Variants in SLC25A4 observed in about 807,000 individuals in gnomAD.
SLC25A4 encodes ADP/ATP translocase 1.
SLC25A4 carries 10 observed loss-of-function variants against 24.7 expected under a neutral mutation model. That is an observed-to-expected ratio of 0.41 (90% CI 0.25 to 0.69). The LOEUF (loss-of-function observed/expected upper bound fraction) is 0.69, where lower values mean the gene tolerates loss of function less well. SLC25A4 is among the 30% of genes least tolerant of loss of function. The probability of loss-of-function intolerance (pLI) is 0.35; values close to 1 mark genes in which losing one functional copy is unlikely to be tolerated. For synonymous variants in SLC25A4, 125 were observed against 153.3 expected (o/e 0.82, Z 1.36); for missense variants, 273 against 387.6 (o/e 0.70, Z 2.48).
Position 185,147,035 on chromosome 4 carries a change from G to C in SLC25A4, c.*64G>C. ...TGATCTACAAGTTCACAGATCCATT[G>C]TGTGGTTTAATAGACTATTCCTAGG... On this transcript the variant is annotated 3_prime_UTR_variant, in exon 4 of 4. Transcript: ENST00000281456. 2 of 1,488,324 alleles carry C rather than the reference G, an allele frequency of 1.3e-6. No individual in the cohort carries two copies. Among genetic ancestry groups the C allele is most frequent in the Non-Finnish European group, 9.3e-7 (1 of 1,074,100 alleles). The allele number at this position is 1,488,324 out of a possible 1,614,324, so 92.2% of individuals were successfully genotyped here.
Position 185,145,966 on chromosome 4 carries a change from C to CCTGTAAAATG in SLC25A4, c.739+67_739+68insCTGTAAAATG. ...CCGAGGAGAACATTTTACAGGGCTC[C>CCTGTAAAATG]TTTCAGTCTTCCTTACTGGAAATTA... On this transcript the variant is annotated intron_variant, in intron 3 of 3. Coordinates refer to ENST00000281456, the MANE Select transcript of SLC25A4 (RefSeq NM_001151.4). The surrounding 1 kb of genome is among the most constrained non-coding windows in gnomAD (Gnocchi z 5.5). The CCTGTAAAATG allele has an allele frequency of 6.4e-7, 1 of 1,566,468 alleles. No individual in the cohort carries two copies. The highest frequency in any genetic ancestry group is 1.7e-5 in the Admixed American group (1 of 57,838).
Position 185,145,559 on chromosome 4 carries a change from A to G in SLC25A4, c.599-200A>G. ...CTTCCAATGCCCTGTATACAAGCTGAGCACTGCCCCTCCGGGGTCCGGAGA... is the reference window on the plus strand; with the variant it reads ...CTTCCAATGCCCTGTATACAAGCTGGGCACTGCCCCTCCGGGGTCCGGAGA... On this transcript the variant is annotated intron_variant, in intron 2 of 3. Transcript: ENST00000281456. The surrounding 1 kb of genome is among the most constrained non-coding windows in gnomAD (Gnocchi z 5.5). 2.9e-6 allele frequency: 2 copies of G among 686,788 alleles called. No individual in the cohort carries two copies. The highest frequency in any genetic ancestry group is 4.8e-6 in the Non-Finnish European group (2 of 413,962). The allele number at this position is 686,788 out of a possible 1,614,324, so 42.5% of individuals were successfully genotyped here.
At position 185,145,906 on chromosome 4, in the gene SLC25A4, T is replaced by C. The variant is rs765839723; in HGVS notation, c.739+7T>C. On this transcript the variant is annotated splice_region_variant and intron_variant, in intron 3 of 3. Transcript: ENST00000281456. The surrounding 1 kb of genome is among the most constrained non-coding windows in gnomAD (Gnocchi z 5.5). ...CAGTCCGGCCGGAAAGGGGGTAAGCTTGTGCTCTACTCATCTAAACTTGTT... is the reference window on the plus strand; with the variant it reads ...CAGTCCGGCCGGAAAGGGGGTAAGCCTGTGCTCTACTCATCTAAACTTGTT... 1.2e-6 allele frequency: 2 copies of C among 1,614,132 alleles called. No individual in the cohort carries two copies. Among genetic ancestry groups the C allele is most frequent in the East Asian group, 2.2e-5 (1 of 44,886 alleles).
Position 185,146,850 on chromosome 4 carries a change from G to A in SLC25A4, c.776G>A (p.Arg259Lys). Reference sequence around the variant, plus strand: ...TACACGGGGACAGTTGACTGCTGGAGGAAGATTGCAAAAGACGAAGGAGCC... The same window carrying A: ...TACACGGGGACAGTTGACTGCTGGAAGAAGATTGCAAAAGACGAAGGAGCC... ...IMYTGTVDCW[R>K]KIAKDEGAKA... The change falls in exon 4 of 4, where the codon AGG becomes AAG. Residue 259 changes from arginine (R) to lysine (K), a missense_variant. Coordinates refer to ENST00000281456, the MANE Select transcript of SLC25A4 (RefSeq NM_001151.4). 6.2e-6 allele frequency: 10 copies of A among 1,614,238 alleles called. No individual in the cohort carries two copies. Among genetic ancestry groups the A allele is most frequent in the Non-Finnish European group, 8.5e-6 (10 of 1,180,042 alleles).
At position 185,144,888 on chromosome 4, in the gene SLC25A4, TC is replaced by T; in HGVS notation, c.238del (p.Arg80ValfsTer21). The T allele has an allele frequency of 1.2e-6, 2 of 1,614,180 alleles. No homozygotes were observed. Among genetic ancestry groups the T allele is most frequent in the Non-Finnish European group, 1.7e-6 (2 of 1,180,034 alleles). ...SFWRGNLANV[I>X]RYFPTQALNF... ...TGGAGGGGTAACCTGGCCAACGTGA[TC>T]CGTTACTTCCCCACCCAAGCTCTCA... On this transcript the variant is annotated frameshift_variant, in exon 2 of 4. Coordinates refer to ENST00000281456, the MANE Select transcript of SLC25A4 (RefSeq NM_001151.4). LOFTEE classifies it high-confidence loss of function.
chr4:185,145,526 T>G lies in SLC25A4; in HGVS notation c.599-233T>G. The G allele has an allele frequency of 1.5e-6, 1 of 667,072 alleles. No individual in the cohort carries two copies. Among genetic ancestry groups the G allele is most frequent in the Non-Finnish European group, 2.5e-6 (1 of 398,360 alleles). 41.3% of individuals were successfully genotyped at this position (667,072 alleles called of 1,614,324 possible). ...GCCATAGCAGTTACTGAGTTTAACTTGAAGCCACTTCCAATGCCCTGTATA... is the reference window on the plus strand; with the variant it reads ...GCCATAGCAGTTACTGAGTTTAACTGGAAGCCACTTCCAATGCCCTGTATA... On this transcript the variant is annotated intron_variant, in intron 2 of 3. Coordinates refer to ENST00000281456, the MANE Select transcript of SLC25A4 (RefSeq NM_001151.4). The surrounding 1 kb of genome is among the most constrained non-coding windows in gnomAD (Gnocchi z 5.5).
Position 185,147,355 on chromosome 4 carries a change from G to GT in SLC25A4, c.*385dup. ...ATGCATATTTTCTAGCATGATTCAT[G>GT]TATCAGTCAGCAGCCAAGCTTCTAA... On this transcript the variant is annotated 3_prime_UTR_variant, in exon 4 of 4. Coordinates refer to ENST00000281456, the MANE Select transcript of SLC25A4 (RefSeq NM_001151.4). 4.7e-6 allele frequency: 1 copy of GT among 213,026 alleles called. No individual in the cohort carries two copies. The highest frequency in any genetic ancestry group is 5.3e-5 in the Admixed American group (1 of 18,874). The allele number at this position is 213,026 out of a possible 1,614,324, so 13.2% of individuals were successfully genotyped here.
rs1208605897 is a variant in SLC25A4 at position 185,145,505 on chromosome 4, T to C, written c.599-254T>C. 3 of 662,822 alleles carry C rather than the reference T, an allele frequency of 4.5e-6. No homozygotes were observed. The highest frequency in any genetic ancestry group is 7.6e-6 in the Non-Finnish European group (3 of 394,392). The allele number at this position is 662,822 out of a possible 1,614,324, so 41.1% of individuals were successfully genotyped here. A position where few individuals can be genotyped will look rare whatever the true frequency, so the allele number is the denominator to read the frequency against. ...GCCTGTCTCCCTCTAGACACAGCCA[T>C]AGCAGTTACTGAGTTTAACTTGAAG... On this transcript the variant is annotated intron_variant, in intron 2 of 3. Coordinates refer to ENST00000281456, the MANE Select transcript of SLC25A4 (RefSeq NM_001151.4). The surrounding 1 kb of genome is among the most constrained non-coding windows in gnomAD (Gnocchi z 5.5).
rs1417068275 is a variant in SLC25A4 at position 185,148,261 on chromosome 4, A to T, written c.*1290A>T. 1 of 151,932 alleles carries T rather than the reference A, an allele frequency of 6.6e-6. No individual in the cohort carries two copies. The highest frequency in any genetic ancestry group is 2.4e-5 in the African/African-American group (1 of 41,356). 9.4% of individuals were successfully genotyped at this position (151,932 alleles called of 1,614,324 possible). ...CATTCATGAGGGCCCTACCCTCATG[A>T]CCCAATTACCTCCCAAATGCCCCTC... On this transcript the variant is annotated 3_prime_UTR_variant, in exon 4 of 4. Transcript: ENST00000281456.
intron 1 of SLC25A4, among the ~76,000 whole-genome samples, chr4:185,143,969 T>C (rs1734392227): frequency 6.6e-6 from 1 of 152,236 alleles, no homozygotes; most frequent in South Asian, 2.1e-4. Context: ...GAGAGAGTTA[T>C]TCTTCTCCAT....
rs1270658487 is a variant in SLC25A4 at position 185,145,267 on chromosome 4, G to A, written c.598+17G>A. Reference sequence around the variant, plus strand: ...CTGCCAAGGGTGAGAGAGGGGCATCGGGGAGAAGGAGGGTGGTGTGGAAAG... The same window carrying A: ...CTGCCAAGGGTGAGAGAGGGGCATCAGGGAGAAGGAGGGTGGTGTGGAAAG... On this transcript the variant is annotated intron_variant, in intron 2 of 3. Coordinates refer to ENST00000281456, the MANE Select transcript of SLC25A4 (RefSeq NM_001151.4). The surrounding 1 kb of genome is among the most constrained non-coding windows in gnomAD (Gnocchi z 5.5). 6.2e-7 allele frequency: 1 copy of A among 1,613,728 alleles called. No individual in the cohort carries two copies. The highest frequency in any genetic ancestry group is 8.5e-7 in the Non-Finnish European group (1 of 1,180,024).
In SLC25A4 at chr4:185,147,015, T is replaced by G. The variant is rs1290485624; in HGVS notation, c.*44T>G. On this transcript the variant is annotated 3_prime_UTR_variant, in exon 4 of 4. Transcript: ENST00000281456. ...TCACAGATTTACAGTGAACTTGATCTACAAGTTCACAGATCCATTGTGTGG... is the reference window on the plus strand; with the variant it reads ...TCACAGATTTACAGTGAACTTGATCGACAAGTTCACAGATCCATTGTGTGG... The G allele has an allele frequency of 1.3e-6, 2 of 1,539,078 alleles. No individual in the cohort carries two copies. Among genetic ancestry groups the G allele is most frequent in the Admixed American group, 3.4e-5 (2 of 59,162 alleles).
chr4:185,143,556 T>A, intron 1 of SLC25A4, 73 bp downstream of exon 1: 1 of 504,712 alleles, frequency 2.0e-6, no homozygotes, highest in Non-Finnish European at 2.6e-6. Flanking sequence ...CGGCGCGAGC[T>A]GCAGGGCGCG....
chr4:185,146,539 C>T (rs1012933620), intron 3 of SLC25A4, among the ~76,000 whole-genome samples: 3 of 152,184 alleles, frequency 2.0e-5, no homozygotes, highest in Non-Finnish European at 4.4e-5. Flanking sequence ...TCCACTGCGC[C>T]CTTCTTGTTT....
rs1319802312 is a variant in SLC25A4 at position 185,147,305 on chromosome 4, A to C, written c.*334A>C. 8.5e-6 allele frequency: 2 copies of C among 234,858 alleles called. No individual in the cohort carries two copies. The highest frequency in any genetic ancestry group is 8.4e-6 in the Non-Finnish European group (1 of 119,242). 14.5% of individuals were successfully genotyped at this position (234,858 alleles called of 1,614,324 possible). A position where few individuals can be genotyped will look rare whatever the true frequency, so the allele number is the denominator to read the frequency against. ...ATTTTATTGAACTCTTATTAACTGT[A>C]AAATGCATTTTTAAAAGATCAAAAA... On this transcript the variant is annotated 3_prime_UTR_variant, in exon 4 of 4. Coordinates refer to ENST00000281456, the MANE Select transcript of SLC25A4 (RefSeq NM_001151.4).
Position 185,146,883 on chromosome 4 carries a change from T to C in SLC25A4, c.809T>C (p.Phe270Ser). Residue 270 changes from phenylalanine to serine, a missense_variant, in exon 4 of 4, where the codon TTC (phenylalanine) becomes TCC (serine). Coordinates refer to ENST00000281456, the MANE Select transcript of SLC25A4 (RefSeq NM_001151.4). ...GCAAAAGACGAAGGAGCCAAGGCCT[T>C]CTTCAAAGGTGCCTGGTCCAATGTG... ...KIAKDEGAKA[F>S]FKGAWSNVLR... 2 of 1,614,166 alleles carry C rather than the reference T, an allele frequency of 1.2e-6. No individual in the cohort carries two copies. Among genetic ancestry groups the C allele is most frequent in the Non-Finnish European group, 1.7e-6 (2 of 1,179,990 alleles).
At position 185,143,313 on chromosome 4, in the gene SLC25A4, C is replaced by G; in HGVS notation, c.-60C>G. On this transcript the variant is annotated 5_prime_UTR_variant, in exon 1 of 4. Coordinates refer to ENST00000281456, the MANE Select transcript of SLC25A4 (RefSeq NM_001151.4). Reference sequence around the variant, plus strand: ...TCGGGGACTGCGCGGCGGTGCCAGGCCGGGCGTGGGCGAGAGCACGAACGG... The same window carrying G: ...TCGGGGACTGCGCGGCGGTGCCAGGGCGGGCGTGGGCGAGAGCACGAACGG... The G allele has an allele frequency of 1.9e-6, 2 of 1,033,790 alleles. No homozygotes were observed. Among genetic ancestry groups the G allele is most frequent in the Non-Finnish European group, 2.9e-6 (2 of 695,678 alleles). The allele number at this position is 1,033,790 out of a possible 1,614,324, so 64.0% of individuals were successfully genotyped here. A position where few individuals can be genotyped will look rare whatever the true frequency, so the allele number is the denominator to read the frequency against.
In SLC25A4 at chr4:185,145,131, G is replaced by GT; in HGVS notation, c.480dup (p.Ile161TyrfsTer8). 1 of 1,612,896 alleles carries GT rather than the reference G, an allele frequency of 6.2e-7. No homozygotes were observed. Among genetic ancestry groups the GT allele is most frequent in the Non-Finnish European group, 8.5e-7 (1 of 1,179,084 alleles). ...CGTGAGTTCCATGGTCTGGGCGACT[G>GT]TATCATCAAGATCTTCAAGTCTGAT... On this transcript the variant is annotated frameshift_variant, in exon 2 of 4. Coordinates refer to ENST00000281456, the MANE Select transcript of SLC25A4 (RefSeq NM_001151.4). LOFTEE classifies it high-confidence loss of function. The surrounding 1 kb of genome is among the most constrained non-coding windows in gnomAD (Gnocchi z 5.5).
chr4:185,144,589 A>G (rs1734403770), intron 1 of SLC25A4, among the ~76,000 whole-genome samples, 175 bp from the exon 2 acceptor site: 1 of 152,138 alleles, frequency 6.6e-6, no homozygotes, highest in Non-Finnish European at 1.5e-5. Context: ...CTTGTTATCC[A>G]GTAACTAACA....
Sources: allele counts gnomAD v4.1 joint callset (sites outside exome capture counted in the v4.1 genomes callset), GRCh38; gene constraint gnomAD v4.1.1; non-coding constraint Gnocchi (gnomAD v3.1); transcripts MANE v1.5; gene names NCBI Gene and HGNC (gene_info 2026-07-23, HGNC 2026-07-21).